POLR3B: variants seen among roughly 807,000 people sequenced by gnomAD.
POLR3B encodes DNA-directed RNA polymerase III subunit RPC2.
In POLR3B, 96 loss-of-function variants were observed where a neutral mutation model predicts 147.4. The ratio of observed to expected loss-of-function variants is 0.65; its 90% CI spans 0.55 to 0.77. The LOEUF is 0.77. Ranked by LOEUF, POLR3B falls within the 30% of genes least tolerant of loss-of-function variation. The pLI is 0.00. For missense variants in POLR3B, 1,036 were observed against 1,413.5 expected, an observed-to-expected ratio of 0.73 and a Z score of 4.28; for synonymous variants, 461 against 485.9, an observed-to-expected ratio of 0.95 and a Z score of 0.67.
chr12:106,361,732 A>G (rs2036471843), intron 1 of POLR3B, among the ~76,000 whole-genome samples: 1 of 152,152 alleles, frequency 6.6e-6, no homozygotes, highest in African/African-American at 2.4e-5. Flanking sequence ...TACTTGAGAA[A>G]AGACATCGCC....
intron 25 of POLR3B, among the ~76,000 whole-genome samples, chr12:106,500,886 G>A (rs1175692838): frequency 6.6e-6 from 1 of 152,164 alleles, no homozygotes; most frequent in African/African-American, 2.4e-5. Flanking sequence ...GGAAACCATT[G>A]GTGAGTTCAG....
intron 22 of POLR3B, 75 bp downstream of exon 22, chr12:106,459,443 G>A: frequency 1.2e-6 from 1 of 846,130 alleles, no homozygotes; most frequent in South Asian, 1.3e-5. Flanking sequence ...TTCGAAGTTA[G>A]GTCTTGGCGT....
intron 23 of POLR3B, 106 bp from the exon 24 acceptor site, chr12:106,495,949 T>C: frequency 2.5e-6 from 2 of 794,324 alleles, no homozygotes; most frequent in Non-Finnish European, 4.6e-6. Flanking sequence ...GGGGAAGATT[T>C]TAGAGCAGTG....
chr12:106,364,822 G>A (rs901120443), intron 2 of POLR3B, among the ~76,000 whole-genome samples: 1 of 152,198 alleles, frequency 6.6e-6, no homozygotes, highest in Admixed American at 6.5e-5. Flanking sequence ...AAAGCATTGT[G>A]CTAAGTGAAA....
chr12:106,389,245 T>C (rs2036882443), intron 9 of POLR3B, among the ~76,000 whole-genome samples: 1 of 152,248 alleles, frequency 6.6e-6, no homozygotes, highest in Non-Finnish European at 1.5e-5. Flanking sequence ...TGTGCTTTGA[T>C]GATAACTTGA....
chr12:106,386,061 C>A (rs1051185426), intron 9 of POLR3B, among the ~76,000 whole-genome samples: 5 of 152,066 alleles, frequency 3.3e-5, no homozygotes, highest in Non-Finnish European at 7.4e-5. Context: ...TTTTATCTAA[C>A]GGGGCTGGGC....
intron 2 of POLR3B, among the ~76,000 whole-genome samples, chr12:106,366,229 A>C (rs1024076139): frequency 1.3e-5 from 2 of 152,222 alleles, no homozygotes; most frequent in African/African-American, 4.8e-5. Flanking sequence ...GTGGCACATG[A>C]CCATATATTC....
At position 106,448,218 on chromosome 12, in the gene POLR3B, A is replaced by G. The variant is rs17038455; in HGVS notation, c.2083+3628A>G. ...GGTTTAAGCTTATGTGGTATTTCCT[A>G]AGACTAGAATGTTAGCGATGAATAT... is the stretch of plus-strand genomic sequence containing the variant. On this transcript the variant is annotated intron_variant, in intron 19 of 27. Transcript: ENST00000228347. Among the ~76,000 whole-genome samples, 10 of 152,204 alleles carry G rather than the reference A, an allele frequency of 6.6e-5. No individual in the cohort carries two copies. In the East Asian group the frequency reaches 1.2e-3, roughly 18 times the overall value.
intron 23 of POLR3B, among the ~76,000 whole-genome samples, chr12:106,493,247 A>T (rs528221915): frequency 2.6e-5 from 4 of 152,346 alleles, no homozygotes; most frequent in African/African-American, 9.6e-5. Flanking sequence ...TGTTAAGGGA[A>T]AATGACCATA....
chr12:106,418,222 A>G (rs557268080), intron 12 of POLR3B, among the ~76,000 whole-genome samples: 2 of 152,230 alleles, frequency 1.3e-5, no homozygotes, highest in African/African-American at 4.8e-5. Flanking sequence ...TTTTTCGGTA[A>G]TGTGTTCATT....
At chr12:106,500,281 G>A in intron 25 of POLR3B, 1 of 409,654 alleles carries the variant, frequency 2.4e-6, no homozygotes, top group Non-Finnish European at 4.8e-6. Flanking sequence ...GGTTTCTTCT[G>A]TCAAAGTACT....
At chr12:106,409,269 G>A (rs942302369) in intron 11 of POLR3B, among the ~76,000 whole-genome samples, 1 of 146,458 alleles carries the variant, frequency 6.8e-6, no homozygotes, top group Admixed American at 6.8e-5. Context: ...AATTGAAAAT[G>A]TAAATTACTT....
intron 9 of POLR3B, among the ~76,000 whole-genome samples, chr12:106,386,794 C>T (rs1304682561): frequency 6.6e-6 from 1 of 151,974 alleles, no homozygotes; most frequent in East Asian, 1.9e-4. Flanking sequence ...GTAGTCCCAG[C>T]TACTCAGGAG....
At chr12:106,479,764 A>G (rs1158718287) in intron 23 of POLR3B, among the ~76,000 whole-genome samples, 1 of 124,932 alleles carries the variant, frequency 8.0e-6, no homozygotes, top group Admixed American at 7.7e-5. Flanking sequence ...TTTTCTTTTT[A>G]GTTTTCTTCT....
intron 18 of POLR3B, 133 bp downstream of exon 18, chr12:106,437,912 T>A (rs779496679): frequency 4.4e-6 from 3 of 676,914 alleles, no homozygotes. Flanking sequence ...ACAATCTTCT[T>A]TTTTTTGTTT....
chr12:106,387,080 C>G (rs1208183318), intron 9 of POLR3B, among the ~76,000 whole-genome samples: 1 of 152,170 alleles, frequency 6.6e-6, no homozygotes, highest in African/African-American at 2.4e-5. Flanking sequence ...AGACTTCTCC[C>G]TTTCTGATTA....
intron 26 of POLR3B, among the ~76,000 whole-genome samples, chr12:106,502,711 A>G (rs892523321): frequency 2.6e-5 from 4 of 152,116 alleles, no homozygotes; most frequent in Admixed American, 1.3e-4. Context: ...TGATAGACAT[A>G]TGTGTGCTTA....
intron 6 of POLR3B, among the ~76,000 whole-genome samples, chr12:106,370,834 G>T (rs2036595902): frequency 6.6e-6 from 1 of 152,038 alleles, no homozygotes; most frequent in African/African-American, 2.4e-5. Context: ...GTTTTGCCAT[G>T]TTGGTCAGGC....
chr12:106,480,791 T>G (rs1436301945), intron 23 of POLR3B, among the ~76,000 whole-genome samples: 1 of 151,972 alleles, frequency 6.6e-6, no homozygotes, highest in Non-Finnish European at 1.5e-5. Flanking sequence ...AGATTAAAGT[T>G]CCAACCCTTG....
Sources: gnomAD v4.1 joint callset for allele counts (sites outside exome capture counted in the v4.1 genomes callset) on GRCh38, gnomAD v4.1.1 for gene constraint, MANE v1.5 for transcripts, NCBI Gene and HGNC (gene_info 2026-07-23, HGNC 2026-07-21) for gene names.